Variants in MED19 observed in about 807,000 individuals in gnomAD.
MED19 encodes the protein mediator complex subunit 19, also known as mediator of RNA polymerase II transcription subunit 19.
A neutral mutation model predicts 19.9 loss-of-function variants in MED19; 4 were observed. The ratio of observed to expected loss-of-function variants is 0.20; its 90% confidence interval spans 0.10 to 0.46. The LOEUF is 0.46. MED19 is among the 20% of genes least tolerant of loss of function. The pLI is 0.99. For synonymous variants in MED19, 139 were observed against 119.6 expected, an observed-to-expected ratio of 1.16 and a Z score of -1.06; for missense variants, 303 against 318.7, an observed-to-expected ratio of 0.95 and a Z score of 0.38.
rs146700879 is a variant in MED19 at position 57,706,283 on chromosome 11, G to A, written c.218-1054C>T. Among the ~76,000 whole-genome samples, 594 of 152,244 alleles carry A rather than the reference G, an allele frequency of 3.9e-3. 3 individuals carry two copies. Among genetic ancestry groups the A allele is most frequent in the African/African-American group, 0.014 (578 of 41,554 alleles). On this transcript the variant is annotated intron_variant, in intron 1 of 4. Transcript: ENST00000431606. The stretch of plus-strand genomic sequence containing the variant: ...CCACCTCAGCCTCCCAAGTAGCTGG[G>A]ATCACAGGCACACACCACCATGCCT...
In MED19 at chr11:57,704,518, G is replaced by A. The variant is rs1427870296; in HGVS notation, c.572-122C>T. On this transcript the variant is annotated intron_variant, in intron 3 of 4. Coordinates refer to ENST00000431606, the Ensembl canonical transcript of MED19. ...CTGCTTTTGTCCAAATGGCCAGAAA[G>A]GATACAGAGGTGCTGCTAGAGTCCC... 3.2e-6 allele frequency: 5 copies of A among 1,581,896 alleles called. No homozygotes were observed. The African/African-American group carries it at 6.9e-5, about 22-fold the overall frequency.
At chr11:57,705,958 CA>C (rs983374964) in intron 1 of MED19, among the ~76,000 whole-genome samples, 3 of 151,326 alleles carry the variant, frequency 2.0e-5, no homozygotes, top group Non-Finnish European at 4.4e-5. Context: ...CTCAGGGGGC[CA>C]AATATGACCC....
At chr11:57,710,860 T>C (rs1025239759) in intron 1 of MED19, among the ~76,000 whole-genome samples, 2 of 152,166 alleles carry the variant, frequency 1.3e-5, no homozygotes, top group Non-Finnish European at 2.9e-5. Flanking sequence ...CACGCCCGGT[T>C]AATCTTGTAT....
At chr11:57,706,960 G>C (rs928820768) in intron 1 of MED19, among the ~76,000 whole-genome samples, 23 of 152,208 alleles carry the variant, frequency 1.5e-4, no homozygotes, top group African/African-American at 5.5e-4. Flanking sequence ...CACTTTGGGA[G>C]GCCAAGGCAG....
At chr11:57,712,141 GTCA>G in exon 1 of MED19, 1 of 1,532,400 alleles carries the variant, frequency 6.5e-7, no homozygotes, top group Non-Finnish European at 8.8e-7. Flanking sequence ...GCGGTGGTGG[GTCA>G]GCCTGAGCCC....
At chr11:57,704,930 G>A (rs1466462295) in intron 2 of MED19, 43 bp downstream of exon 2, 3 of 1,605,828 alleles carry the variant, frequency 1.9e-6, no homozygotes, top group Non-Finnish European at 1.7e-6. Flanking sequence ...CCATCTCCAT[G>A]TTTAGGCCTC....
At chr11:57,709,552 T>C (rs1946540816) in intron 1 of MED19, among the ~76,000 whole-genome samples, 1 of 152,112 alleles carries the variant, frequency 6.6e-6, no homozygotes, top group Non-Finnish European at 1.5e-5. Context: ...CCTTCACTTC[T>C]ATATACAATA....
chr11:57,705,685 C>T (rs1229153478), intron 1 of MED19, among the ~76,000 whole-genome samples: 1 of 148,762 alleles, frequency 6.7e-6, no homozygotes, highest in African/African-American at 2.5e-5. Flanking sequence ...AAGTAAATAA[C>T]ATGAAAAGTA....
Position 57,710,867 on chromosome 11 carries a change from G to C in MED19, c.217+1096C>G, listed in dbSNP as rs115191130. 3.0e-3 allele frequency among the ~76,000 whole-genome samples: 462 copies of C among 152,160 alleles called. 5 individuals are homozygous for C. Among genetic ancestry groups the C allele is most frequent in the African/African-American group, 0.011 (455 of 41,526 alleles). On this transcript the variant is annotated intron_variant, in intron 1 of 4. Transcript: ENST00000431606. ...TGCATTACCACGCCCGGTTAATCTT[G>C]TATATTTTGTAGAGACTGGGTCTCG... is the stretch of plus-strand genomic sequence containing the variant.
At chr11:57,711,832 G>A (rs1272713651) in intron 1 of MED19, 131 bp downstream of exon 1, 2 of 1,015,394 alleles carry the variant, frequency 2.0e-6, no homozygotes, top group Non-Finnish European at 2.7e-6. Flanking sequence ...CAGCGCTTCC[G>A]ACTTAGGGCT....
intron 1 of MED19, among the ~76,000 whole-genome samples, chr11:57,710,621 T>G (rs1946559225): frequency 6.6e-6 from 1 of 152,240 alleles, no homozygotes; most frequent in African/African-American, 2.4e-5. Context: ...CCTTTGTCTA[T>G]GCTTACATTT....
exon 4 of MED19, chr11:57,704,381 G>A (rs1240364712): frequency 2.0e-6 from 3 of 1,537,326 alleles, no homozygotes; most frequent in Non-Finnish European, 2.6e-6. Context: ...CTTGTGATCT[G>A]AATCAGATGG....
At position 57,704,678 on chromosome 11, in the gene MED19, T is replaced by TG. The variant is rs777726860; in HGVS notation, c.571+40_571+41insC. On this transcript the variant is annotated intron_variant, in intron 3 of 4. Transcript: ENST00000431606. Reference sequence around the variant, plus strand: ...AGATTCAGAAGGTCAGGTTTTTTTTTTTTTTTTTTTTTTTTTGCTTTGAAT... The same window carrying TG: ...AGATTCAGAAGGTCAGGTTTTTTTTTGTTTTTTTTTTTTTTTTGCTTTGAAT... 5.2e-5 allele frequency: 81 copies of TG among 1,549,894 alleles called. No individual in the cohort carries two copies. In the Middle Eastern group the frequency reaches 8.1e-4, roughly 16 times the overall value.
intron 1 of MED19, among the ~76,000 whole-genome samples, chr11:57,706,345 T>C (rs1946507602): frequency 6.6e-6 from 1 of 152,128 alleles, no homozygotes; most frequent in Non-Finnish European, 1.5e-5. Flanking sequence ...GGGTTCACCA[T>C]GTTGAGTAGG....
At chr11:57,707,263 A>C (rs1946520000) in intron 1 of MED19, among the ~76,000 whole-genome samples, 1 of 151,954 alleles carries the variant, frequency 6.6e-6, no homozygotes, top group Non-Finnish European at 1.5e-5. Context: ...TGCATGGCTG[A>C]TTCTTTTTTA....
exon 1 of MED19, chr11:57,712,158 A>G: frequency 2.6e-6 from 4 of 1,528,660 alleles, no homozygotes; most frequent in East Asian, 2.6e-5. Flanking sequence ...TGAGCCCCAA[A>G]CAGTGCCGTG....
intron 3 of MED19, 24 bp downstream of exon 3, chr11:57,704,695 G>GTTTTTTTTTTTT: frequency 2.8e-6 from 2 of 702,002 alleles, no homozygotes; most frequent in South Asian, 4.5e-5. Context: ...TTTTTTTTTT[G>GTTTTTTTTTTTT]CTTTGAATAG....
chr11:57,709,553 A>G (rs924930018), intron 1 of MED19, among the ~76,000 whole-genome samples: 2 of 151,958 alleles, frequency 1.3e-5, no homozygotes, highest in African/African-American at 2.4e-5. Context: ...CTTCACTTCT[A>G]TATACAATAT....
Position 57,705,147 on chromosome 11 carries a change from C to T in MED19, c.300G>A (p.Lys100=), listed in dbSNP as rs1432729703. The change falls in exon 2 of 5, where the codon AAG becomes AAA. Residue 100 remains lysine, a synonymous_variant. Coordinates refer to ENST00000431606, the Ensembl canonical transcript of MED19. ...GGAAGTTACTTAGCTTCTCCTTCAC[C>T]TTCTTCCCACAGAATTTATTATAGG... is the stretch of plus-strand genomic sequence containing the variant. The T allele has an allele frequency of 9.9e-6, 16 of 1,614,056 alleles. No homozygotes were observed. The African/African-American group carries it at 2.0e-4, about 20-fold the overall frequency.
Sources: allele counts gnomAD v4.1 joint callset (sites outside exome capture counted in the v4.1 genomes callset), GRCh38; gene constraint gnomAD v4.1.1; transcripts MANE v1.5; gene names NCBI Gene and HGNC (gene_info 2026-07-23, HGNC 2026-07-21).